The following AGTPBP1 variants were observed in gnomAD, a reference collection of about 807,000 sequenced individuals.
AGTPBP1 encodes ATP/GTP binding carboxypeptidase 1.
A neutral mutation model predicts 143.9 loss-of-function variants in AGTPBP1; 70 were observed. The observed-to-expected ratio is 0.49, with a 90% CI of 0.40 to 0.59. AGTPBP1 has a LOEUF of 0.59. AGTPBP1 is among the 20% of genes least tolerant of loss of function. AGTPBP1 has a pLI of 0.00. For synonymous variants in AGTPBP1, 463 were observed against 500.2 expected (o/e 0.93, Z 0.99); for missense variants, 1,229 against 1,464.5 (o/e 0.84, Z 2.62).
intron 2 of AGTPBP1, among the ~76,000 whole-genome samples, chr9:85,703,350 A>G (rs1259576809): frequency 6.6e-6 from 1 of 152,226 alleles, no homozygotes; most frequent in Non-Finnish European, 1.5e-5. Context: ...TGGATTACAT[A>G]AAGGAATCAA....
At chr9:85,726,032 G>A (rs1027914653) in intron 1 of AGTPBP1, among the ~76,000 whole-genome samples, 13 of 127,756 alleles carry the variant, frequency 1.0e-4, no homozygotes, top group African/African-American at 4.0e-4. Flanking sequence ...ACTCCAGCCT[G>A]AGAGACACAG....
chr9:85,563,608 T>C lies in AGTPBP1; in HGVS notation c.3503+11707A>G, dbSNP rs561987526. On this transcript the variant is annotated intron_variant, in intron 25 of 25. Coordinates refer to ENST00000357081, the MANE Select transcript of AGTPBP1 (RefSeq NM_001330701.2). ...CAGAACTTAAAAATTTGGAAAACTCTCACCCTGTCTATATTGTAACAAACG... is the reference window on the plus strand; with the variant it reads ...CAGAACTTAAAAATTTGGAAAACTCCCACCCTGTCTATATTGTAACAAACG... Among the ~76,000 whole-genome samples, 6 of 152,250 alleles carry C rather than the reference T, an allele frequency of 3.9e-5. No homozygotes were observed. The East Asian group carries it at 9.6e-4, about 24-fold the overall frequency.
At chr9:85,617,930 C>CTAAAACTATTCAAGAAAT (rs1372305005) in intron 17 of AGTPBP1, among the ~76,000 whole-genome samples, 1 of 152,040 alleles carries the variant, frequency 6.6e-6, no homozygotes, top group African/African-American at 2.4e-5. Flanking sequence ...TTGAATAGCC[C>CTAAAACTATTCAAGAAAT]TAAAACTATT....
At chr9:85,731,144 T>C (rs1838852949) in intron 1 of AGTPBP1, among the ~76,000 whole-genome samples, 1 of 152,222 alleles carries the variant, frequency 6.6e-6, no homozygotes, top group South Asian at 2.1e-4. Context: ...TAATCATGCA[T>C]AGCCAGGGTC....
intron 4 of AGTPBP1, among the ~76,000 whole-genome samples, chr9:85,680,818 T>G (rs1564138332): frequency 6.6e-6 from 1 of 152,208 alleles, no homozygotes; most frequent in Non-Finnish European, 1.5e-5. Flanking sequence ...GCGTAGAAAT[T>G]CAATTATCAT....
intron 8 of AGTPBP1, among the ~76,000 whole-genome samples, chr9:85,666,313 A>C (rs569594352): frequency 1.3e-5 from 2 of 152,266 alleles, no homozygotes; most frequent in South Asian, 4.1e-4. Flanking sequence ...TAAAATTAAA[A>C]AGGAGAGGAA....
At chr9:85,592,128 C>G (rs555773664) in intron 19 of AGTPBP1, among the ~76,000 whole-genome samples, 1 of 151,876 alleles carries the variant, frequency 6.6e-6, no homozygotes, top group Non-Finnish European at 1.5e-5. Context: ...TTTTAATATT[C>G]TATTTTCTAT....
At chr9:85,747,923 TTTC>T in the AGTPBP1 span, among the ~76,000 whole-genome samples, 1 of 152,184 alleles carries the variant, frequency 6.6e-6, no homozygotes, top group Middle Eastern at 3.2e-3. Flanking sequence ...TTTATCCTTT[TTTC>T]TTATTTTCAA....
chr9:85,652,790 C>T (rs1328585532), intron 11 of AGTPBP1, among the ~76,000 whole-genome samples: 1 of 152,172 alleles, frequency 6.6e-6, no homozygotes, highest in Non-Finnish European at 1.5e-5. Context: ...AACTTTATTG[C>T]CAGTAGGTCA....
the AGTPBP1 span, among the ~76,000 whole-genome samples, chr9:85,751,764 G>C: frequency 5.3e-5 from 8 of 151,998 alleles, no homozygotes; most frequent in Admixed American, 4.6e-4. Flanking sequence ...ACAGGCACAC[G>C]CCCGGCTAAT....
At chr9:85,662,464 C>A (rs1833904995) in intron 8 of AGTPBP1, among the ~76,000 whole-genome samples, 1 of 151,934 alleles carries the variant, frequency 6.6e-6, no homozygotes, top group Non-Finnish European at 1.5e-5. Flanking sequence ...TACACTTATG[C>A]AATAAAATGT....
chr9:85,769,304 C>T, the AGTPBP1 span, among the ~76,000 whole-genome samples: 3 of 152,068 alleles, frequency 2.0e-5, no homozygotes, highest in East Asian at 1.9e-4. Context: ...TATGGGTATA[C>T]GGAAACATAT....
chr9:85,779,129 A>C, the AGTPBP1 span, among the ~76,000 whole-genome samples: 2 of 151,572 alleles, frequency 1.3e-5, no homozygotes, highest in African/African-American at 4.8e-5. Flanking sequence ...CTGGTACCAA[A>C]ACCTGTATTA....
intron 2 of AGTPBP1, among the ~76,000 whole-genome samples, chr9:85,696,026 G>A (rs184614362): frequency 7.9e-4 from 120 of 152,160 alleles, no homozygotes; most frequent in Admixed American, 2.4e-3. Context: ...ATTTTTAGTA[G>A]AGACGGGGTT....
chr9:85,730,669 C>T (rs1012847262), intron 1 of AGTPBP1, among the ~76,000 whole-genome samples: 2 of 152,162 alleles, frequency 1.3e-5, no homozygotes, highest in Non-Finnish European at 2.9e-5. Flanking sequence ...TGAACTTGCC[C>T]TTTGACATAG....
chr9:85,609,072 G>A (rs957832473), intron 17 of AGTPBP1, among the ~76,000 whole-genome samples: 3 of 152,094 alleles, frequency 2.0e-5, no homozygotes, highest in East Asian at 1.9e-4. Context: ...TTATTTGCTC[G>A]AAAGTTAAGG....
intron 25 of AGTPBP1, among the ~76,000 whole-genome samples, chr9:85,566,324 A>C (rs56061424): frequency 0.041 from 6,199 of 151,452 alleles, 441 homozygotes; most frequent in African/African-American, 0.14. Flanking sequence ...GTTCAAAACC[A>C]CCTGGGCAAC....
At chr9:85,673,027 G>A (rs1834589825) in intron 6 of AGTPBP1, among the ~76,000 whole-genome samples, 1 of 152,040 alleles carries the variant, frequency 6.6e-6, no homozygotes, top group Non-Finnish European at 1.5e-5. Flanking sequence ...GAGTCACTGT[G>A]CCTGGCCCAC....
intron 18 of AGTPBP1, among the ~76,000 whole-genome samples, chr9:85,594,802 C>G (rs1248224875): frequency 6.6e-6 from 1 of 152,130 alleles, no homozygotes; most frequent in Non-Finnish European, 1.5e-5. Flanking sequence ...AACAACTTGT[C>G]CTGCTATGAT....
Sources: gnomAD v4.1 joint callset for allele counts (sites outside exome capture counted in the v4.1 genomes callset) on GRCh38, gnomAD v4.1.1 for gene constraint, MANE v1.5 for transcripts, NCBI Gene and HGNC (gene_info 2026-07-23, HGNC 2026-07-21) for gene names.